The following TXNDC11 variants were observed in gnomAD, a reference collection of about 807,000 sequenced individuals.
TXNDC11 encodes thioredoxin domain containing 11, also known as thioredoxin domain-containing protein 11.
TXNDC11 carries 68 observed loss-of-function variants against 78.0 expected under a neutral mutation model. That is an observed-to-expected ratio of 0.87 (90% confidence interval 0.72 to 1.07). The LOEUF (loss-of-function observed/expected upper bound fraction) is 1.07. TXNDC11 is among the 50% of genes least tolerant of loss of function. TXNDC11 has a pLI of 0.00. For missense variants in TXNDC11, 1,389 were observed against 1,221.8 expected, an observed-to-expected ratio of 1.14 and a Z score of -2.04; for synonymous variants, 571 against 495.2, an observed-to-expected ratio of 1.15 and a Z score of -2.03.
At position 11,687,957 on chromosome 16, in the gene TXNDC11, G is replaced by A; in HGVS notation, c.2053C>T (p.Leu685=). The change falls in exon 10 of 12, where the codon CTG becomes TTG. Residue 685 remains leucine, a synonymous_variant. Coordinates refer to ENST00000283033, the MANE Select transcript of TXNDC11 (RefSeq NM_015914.7). ...CCGCACCACGGAGCGTAATAGAGCA[G>A]GAGAACGTCCTGTGGGAAAGGGAAG... ...EVVLQKQDVL[L]LYYAPWCGFC... is the part of the protein sequence containing the mutation. 1 of 1,612,612 alleles carries A rather than the reference G, an allele frequency of 6.2e-7. No individual in the cohort carries two copies. Among genetic ancestry groups the A allele is most frequent in the Non-Finnish European group, 8.5e-7 (1 of 1,178,810 alleles).
At chr16:11,687,500 G>C (rs2050596845) in intron 10 of TXNDC11, among the ~76,000 whole-genome samples, 1 of 152,214 alleles carries the variant, frequency 6.6e-6, no homozygotes, top group African/African-American at 2.4e-5. Context: ...GGCTGGTGGA[G>C]AGATCTGCTT....
chr16:11,731,034 C>G (rs188547641), intron 3 of TXNDC11, among the ~76,000 whole-genome samples: 1 of 152,216 alleles, frequency 6.6e-6, no homozygotes, highest in East Asian at 1.9e-4. Flanking sequence ...AATTGCCAAA[C>G]AAGGAACATT....
chr16:11,679,966 G>T lies in TXNDC11; in HGVS notation c.2235-129C>A. 6 of 806,454 alleles carry T rather than the reference G, an allele frequency of 7.4e-6. No homozygotes were observed. The highest frequency in any genetic ancestry group is 1.2e-5 in the Non-Finnish European group (6 of 514,792). The allele number at this position is 806,454 out of a possible 1,614,324, so 50.0% of individuals were successfully genotyped here. ...AGACGTTCCGTGGATTTTACTTACT[G>T]AAAGTAAGGAAAATGTTGCCTGGGC... On this transcript the variant is annotated intron_variant, in intron 11 of 11. Transcript: ENST00000283033. The surrounding 1 kb of genome is among the most constrained non-coding windows in gnomAD (Gnocchi z 4.6).
chr16:11,726,368 G>C (rs185446589), intron 4 of TXNDC11, among the ~76,000 whole-genome samples: 44 of 152,108 alleles, frequency 2.9e-4, no homozygotes, highest in Non-Finnish European at 5.7e-4. Context: ...AGATCACGAG[G>C]TCAAGAGATA....
In TXNDC11 at chr16:11,679,367, T is replaced by A; in HGVS notation, c.2705A>T (p.Glu902Val). ...TWLKILVATM[E>V]RKLEGRDGAE... is the part of the protein sequence containing the mutation. ...TCCATCCCTGCCCTCCAGTTTCCTC[T>A]CCATGGTCGCCACCAGGATCTTGAG... The change falls in exon 12 of 12, where the codon GAG becomes GTG. Residue 902 changes from glutamate to valine, a missense_variant. By Grantham distance (121) the Glu-to-Val change is moderately radical. Transcript: ENST00000283033. This position sits in a 1 kb window ranked among gnomAD's most constrained non-coding sequence, Gnocchi z 4.6. The A allele has an allele frequency of 6.2e-7, 1 of 1,611,130 alleles. No homozygotes were observed.
intron 10 of TXNDC11, 46 bp downstream of exon 10, chr16:11,687,811 G>A (rs749166841): frequency 7.6e-7 from 1 of 1,308,964 alleles, no homozygotes; most frequent in Admixed American, 1.8e-5. Context: ...AAATAAGAGT[G>A]AAAATGGGCA....
intron 7 of TXNDC11, among the ~76,000 whole-genome samples, chr16:11,696,777 C>T (rs1289585390): frequency 2.6e-5 from 4 of 152,150 alleles, no homozygotes; most frequent in Non-Finnish European, 5.9e-5. Flanking sequence ...GACACTCATT[C>T]AGAAACAACA....
At chr16:11,737,826 G>A (rs541461807) in intron 1 of TXNDC11, among the ~76,000 whole-genome samples, 6 of 144,956 alleles carry the variant, frequency 4.1e-5, no homozygotes, top group Non-Finnish European at 6.0e-5. Context: ...ACTCAGCCTC[G>A]GCAACAGAGC....
At chr16:11,742,400 C>G in intron 1 of TXNDC11, 77 bp downstream of exon 1, 1 of 1,204,082 alleles carries the variant, frequency 8.3e-7, no homozygotes, top group South Asian at 2.1e-5. Flanking sequence ...GAGGCCGCTG[C>G]GACCCGGCCC....
At chr16:11,690,756 T>G (rs2050692960) in intron 8 of TXNDC11, 1 of 152,050 alleles carries the variant, frequency 6.6e-6, no homozygotes, top group Non-Finnish European at 1.5e-5. Flanking sequence ...GAGACGGGGT[T>G]TCACCACATT....
At chr16:11,695,190 C>G (rs950451618) in intron 7 of TXNDC11, among the ~76,000 whole-genome samples, 3 of 152,094 alleles carry the variant, frequency 2.0e-5, no homozygotes, top group Non-Finnish European at 4.4e-5. Context: ...TGGCCTCACG[C>G]CAGTGTCAGG....
intron 10 of TXNDC11, among the ~76,000 whole-genome samples, chr16:11,685,598 G>C (rs1397990479): frequency 2.0e-5 from 3 of 151,490 alleles, no homozygotes; most frequent in African/African-American, 7.3e-5. Flanking sequence ...ATAGTGAGCT[G>C]AGATTGCACC....
At chr16:11,719,372 T>C (rs1219134571) in intron 5 of TXNDC11, among the ~76,000 whole-genome samples, 3 of 152,250 alleles carry the variant, frequency 2.0e-5, no homozygotes. Context: ...TTGCTAAGTC[T>C]GCTTAGTCAC....
intron 5 of TXNDC11, among the ~76,000 whole-genome samples, chr16:11,715,337 G>GT (rs2051497220): frequency 6.6e-6 from 1 of 152,104 alleles, no homozygotes; most frequent in African/African-American, 2.4e-5. Flanking sequence ...ACTTGCTGGT[G>GT]TGTTGGTGCA....
chr16:11,720,528 G>A (rs2051671850), intron 5 of TXNDC11, among the ~76,000 whole-genome samples: 1 of 149,374 alleles, frequency 6.7e-6, no homozygotes, highest in African/African-American at 2.5e-5. Flanking sequence ...CGATTCTCCT[G>A]CCTCAGCCTC....
At chr16:11,694,849 C>A (rs1426498276) in intron 7 of TXNDC11, among the ~76,000 whole-genome samples, 1 of 149,520 alleles carries the variant, frequency 6.7e-6, no homozygotes, top group Non-Finnish European at 1.5e-5. Flanking sequence ...TTTGAAAACA[C>A]AACTCATGTC....
chr16:11,684,176 A>G lies in TXNDC11; in HGVS notation c.2223T>C (p.Phe741=), dbSNP rs1340940558. ...MVDRLPTVLF[F]PCNRKDLSVK... Reference sequence around the variant, plus strand: ...AAATTTGGCATTACCTGTTGCAGGGAAAAAACAAGACAGTAGGAAGACGAT... The same window carrying G: ...AAATTTGGCATTACCTGTTGCAGGGGAAAAACAAGACAGTAGGAAGACGAT... The change falls in exon 11 of 12, where the codon TTT becomes TTC. Residue 741 remains phenylalanine (F), a synonymous_variant. Transcript: ENST00000283033. 6.2e-7 allele frequency: 1 copy of G among 1,613,492 alleles called. No individual in the cohort carries two copies. The highest frequency in any genetic ancestry group is 2.2e-5 in the East Asian group (1 of 44,870).
intron 4 of TXNDC11, among the ~76,000 whole-genome samples, chr16:11,730,258 C>T (rs1199872626): frequency 2.6e-5 from 4 of 152,136 alleles, no homozygotes; most frequent in Non-Finnish European, 5.9e-5. Context: ...AAAAACCAAA[C>T]TACAACTGAC....
intron 5 of TXNDC11, among the ~76,000 whole-genome samples, chr16:11,712,670 T>C (rs767697497): frequency 1.2e-4 from 19 of 152,142 alleles, no homozygotes; most frequent in Non-Finnish European, 2.6e-4. Flanking sequence ...AAATAAGTCA[T>C]TGTGGGGCAC....
Sources: gnomAD v4.1 joint callset for allele counts (sites outside exome capture counted in the v4.1 genomes callset) on GRCh38, gnomAD v4.1.1 for gene constraint, Gnocchi (gnomAD v3.1) non-coding constraint, MANE v1.5 for transcripts, NCBI Gene and HGNC (gene_info 2026-07-23, HGNC 2026-07-21) for gene names.